Variants in UBE2O observed in about 807,000 individuals in gnomAD.
The protein encoded by UBE2O is ubiquitin conjugating enzyme E2 O.
Under a neutral mutation model 125.8 loss-of-function variants are expected in UBE2O, and 15 were observed. The ratio of observed to expected loss-of-function variants is 0.12; its 90% CI spans 0.08 to 0.18. UBE2O has a LOEUF of 0.18. Ranked by LOEUF, UBE2O falls within the 10% of genes least tolerant of loss-of-function variation. UBE2O has a pLI of 1.00. For missense variants in UBE2O, 1,280 were observed against 1,723.6 expected (o/e 0.74, Z 4.56); for synonymous variants, 708 against 703.2 (o/e 1.01, Z -0.11).
At chr17:76,425,337 T>A (rs1375902465) in intron 1 of UBE2O, among the ~76,000 whole-genome samples, 1 of 151,866 alleles carries the variant, frequency 6.6e-6, no homozygotes, top group African/African-American at 2.4e-5. Flanking sequence ...TTTAGCTTAA[T>A]TGTATCAAAA....
At position 76,402,841 on chromosome 17, in the gene UBE2O, A is replaced by T; in HGVS notation, c.589-142T>A. On this transcript the variant is annotated intron_variant, in intron 3 of 17. Coordinates refer to ENST00000319380, the MANE Select transcript of UBE2O (RefSeq NM_022066.4). This position sits in a 1 kb window ranked among gnomAD's most constrained non-coding sequence, Gnocchi z 5.4. ...ACTGGACCGGTTGGCTACTAGCCCT[A>T]AACAGCTGCTGCAGCAGGCCCTCCC... is the stretch of plus-strand genomic sequence containing the variant. The T allele has an allele frequency of 1.5e-6, 1 of 678,184 alleles. No individual in the cohort carries two copies. Among genetic ancestry groups the T allele is most frequent in the South Asian group, 1.7e-5 (1 of 59,028 alleles). 42.0% of individuals were successfully genotyped at this position (678,184 alleles called of 1,614,324 possible). A position where few individuals can be genotyped will look rare whatever the true frequency, so the allele number is the denominator to read the frequency against.
At position 76,391,446 on chromosome 17, in the gene UBE2O, C is replaced by G; in HGVS notation, c.3376G>C (p.Glu1126Gln). The stretch of plus-strand genomic sequence containing the variant: ...CCAGTGCTAAAGTGTTGCCTGATCT[C>G]CTGCTCAAAGACCTCGGGGGGCCGC... ...VRRPPEVFEQ[E>Q]IRQHFSTGGW... Residue 1126 changes from glutamate (E) to glutamine (Q), a missense_variant, in exon 18 of 18, where the codon GAG becomes CAG. Glu to Gln is a conservative substitution (Grantham distance 29, BLOSUM62 2). Around this residue, in one of 10 missense-constraint regions of UBE2O, gnomAD observed 233 missense variants for 279.0 expected, o/e 0.84. Transcript: ENST00000319380. The surrounding 1 kb of genome is among the most constrained non-coding windows in gnomAD (Gnocchi z 8.4). 1 of 1,613,790 alleles carries G rather than the reference C, an allele frequency of 6.2e-7. No homozygotes were observed. Among genetic ancestry groups the G allele is most frequent in the Non-Finnish European group, 8.5e-7 (1 of 1,180,028 alleles).
rs2072345153 is a variant in UBE2O at position 76,402,481 on chromosome 17, TC to T, written c.686+120del. On this transcript the variant is annotated intron_variant, in intron 4 of 17. Transcript: ENST00000319380. The surrounding 1 kb of genome is among the most constrained non-coding windows in gnomAD (Gnocchi z 5.4). ...GGTTAGGCCCTGGATGCCTGCAACATCTGTCACTGCCCTTGATCAAACCTGT... is the reference window on the plus strand; with the variant it reads ...GGTTAGGCCCTGGATGCCTGCAACATTGTCACTGCCCTTGATCAAACCTGT... 2 of 865,756 alleles carry T rather than the reference TC, an allele frequency of 2.3e-6. No homozygotes were observed. The highest frequency in any genetic ancestry group is 3.9e-6 in the Non-Finnish European group (2 of 518,164). 53.6% of individuals were successfully genotyped at this position (865,756 alleles called of 1,614,324 possible).
chr17:76,406,874 A>G (rs1416293870), intron 1 of UBE2O, among the ~76,000 whole-genome samples: 1 of 151,602 alleles, frequency 6.6e-6, no homozygotes, highest in Non-Finnish European at 1.5e-5. Flanking sequence ...TAATTTTTGT[A>G]TTTTTAGTAG....
chr17:76,412,779 G>A (rs1287209496), intron 1 of UBE2O, among the ~76,000 whole-genome samples: 6 of 152,224 alleles, frequency 3.9e-5, no homozygotes, highest in African/African-American at 1.4e-4. Flanking sequence ...GAAGGCTGAG[G>A]CAGACAGATC....
intron 1 of UBE2O, among the ~76,000 whole-genome samples, chr17:76,416,605 A>G (rs1334053213): frequency 1.3e-5 from 2 of 152,150 alleles, no homozygotes; most frequent in Non-Finnish European, 2.9e-5. Context: ...AGCCCACACC[A>G]ACCTCCCCGC....
At chr17:76,447,407 C>T (rs1414211168) in intron 1 of UBE2O, among the ~76,000 whole-genome samples, 2 of 152,198 alleles carry the variant, frequency 1.3e-5, no homozygotes, top group African/African-American at 4.8e-5. Context: ...ACATCTAAAG[C>T]ACTAAGAGTG....
chr17:76,394,664 A>T (rs1449325280), intron 15 of UBE2O, among the ~76,000 whole-genome samples: 1 of 151,454 alleles, frequency 6.6e-6, no homozygotes, highest in African/African-American at 2.4e-5. Context: ...GTAAAAGTAT[A>T]AAAAAAAGGT....
At position 76,452,657 on chromosome 17, in the gene UBE2O, C is replaced by T; in HGVS notation, c.417+68G>A. ...CTCCGGGCAGGGCCCTGCACGCCGTCCTTCCCTGGCCTCGGCCCGGCCGCC... is the reference window on the plus strand; with the variant it reads ...CTCCGGGCAGGGCCCTGCACGCCGTTCTTCCCTGGCCTCGGCCCGGCCGCC... On this transcript the variant is annotated intron_variant, in intron 1 of 17. Coordinates refer to ENST00000319380, the MANE Select transcript of UBE2O (RefSeq NM_022066.4). This position sits in a 1 kb window ranked among gnomAD's most constrained non-coding sequence, Gnocchi z 4.4. 1.5e-6 allele frequency: 2 copies of T among 1,319,000 alleles called. No homozygotes were observed. Among genetic ancestry groups the T allele is most frequent in the Non-Finnish European group, 1.9e-6 (2 of 1,039,278 alleles). The allele number at this position is 1,319,000 out of a possible 1,614,324, so 81.7% of individuals were successfully genotyped here. A position where few individuals can be genotyped will look rare whatever the true frequency, so the allele number is the denominator to read the frequency against.
At chr17:76,426,109 C>T (rs1330001070) in intron 1 of UBE2O, among the ~76,000 whole-genome samples, 1 of 152,156 alleles carries the variant, frequency 6.6e-6, no homozygotes, top group Admixed American at 6.6e-5. Flanking sequence ...CTCAAATGAT[C>T]CTCTTACTTC....
In UBE2O at chr17:76,396,067, G is replaced by A. The variant is rs1329645068; in HGVS notation, c.2809+61C>T. On this transcript the variant is annotated intron_variant, in intron 14 of 17. Coordinates refer to ENST00000319380, the MANE Select transcript of UBE2O (RefSeq NM_022066.4). This position sits in a 1 kb window ranked among gnomAD's most constrained non-coding sequence, Gnocchi z 6.7. ...TAACCACCCTGCACCCAGATCTGGT[G>A]ACACAAACAGGAGCCCCGAGAAGGC... The A allele has an allele frequency of 6.4e-7, 1 of 1,570,900 alleles. No individual in the cohort carries two copies. The highest frequency in any genetic ancestry group is 8.7e-7 in the Non-Finnish European group (1 of 1,152,110).
intron 1 of UBE2O, among the ~76,000 whole-genome samples, chr17:76,415,064 C>T (rs138786675): frequency 1.2e-3 from 190 of 152,288 alleles, no homozygotes; most frequent in African/African-American, 4.3e-3. Flanking sequence ...TAACCAGTGG[C>T]CCCGGACTGC....
Position 76,399,270 on chromosome 17 carries a change from G to T in UBE2O, c.1628+179C>A. 1 of 746,458 alleles carries T rather than the reference G, an allele frequency of 1.3e-6. No homozygotes were observed. Among genetic ancestry groups the T allele is most frequent in the Non-Finnish European group, 2.2e-6 (1 of 463,980 alleles). The allele number at this position is 746,458 out of a possible 1,614,324, so 46.2% of individuals were successfully genotyped here. On this transcript the variant is annotated intron_variant, in intron 9 of 17. Transcript: ENST00000319380. This position sits in a 1 kb window ranked among gnomAD's most constrained non-coding sequence, Gnocchi z 6.9. ...ATCCCACCCTCTGCACCACTCCTCA[G>T]TCTCTGCTTTCCACCAGGGCCTACC... is the stretch of plus-strand genomic sequence containing the variant.
At chr17:76,439,546 C>T (rs184302658) in intron 1 of UBE2O, among the ~76,000 whole-genome samples, 1 of 152,308 alleles carries the variant, frequency 6.6e-6, no homozygotes, top group Non-Finnish European at 1.5e-5. Flanking sequence ...AATGTATGCC[C>T]AGGCATTCTT....
intron 15 of UBE2O, among the ~76,000 whole-genome samples, chr17:76,392,782 G>A (rs1326238997): frequency 1.3e-5 from 2 of 151,700 alleles, no homozygotes; most frequent in East Asian, 2.0e-4. Flanking sequence ...GTGAAACCCC[G>A]TCTCTACTAA....
At chr17:76,393,094 A>T (rs2072143456) in intron 15 of UBE2O, among the ~76,000 whole-genome samples, 1 of 151,614 alleles carries the variant, frequency 6.6e-6, no homozygotes, top group Non-Finnish European at 1.5e-5. Flanking sequence ...CCCTATCTCT[A>T]CAAAAAATAA....
chr17:76,393,862 C>T (rs1030056305), intron 15 of UBE2O, among the ~76,000 whole-genome samples: 1 of 152,218 alleles, frequency 6.6e-6, no homozygotes, highest in Non-Finnish European at 1.5e-5. Context: ...GAAGGCAGAG[C>T]GCTAGCTGGG....
At chr17:76,433,820 G>A (rs560813438) in intron 1 of UBE2O, among the ~76,000 whole-genome samples, 5 of 152,188 alleles carry the variant, frequency 3.3e-5, no homozygotes, top group East Asian at 3.9e-4. Flanking sequence ...AAAGGAGTTT[G>A]AGACCAGCCT....
At position 76,389,857 on chromosome 17, in the gene UBE2O, C is replaced by T. The variant is rs563614953; in HGVS notation, c.*1086G>A. The T allele has an allele frequency of 1.4e-4, 21 of 152,382 alleles. No individual in the cohort carries two copies. Among genetic ancestry groups the T allele is most frequent in the African/African-American group, 5.1e-4 (21 of 41,502 alleles). 9.4% of individuals were successfully genotyped at this position (152,382 alleles called of 1,614,324 possible). A position where few individuals can be genotyped will look rare whatever the true frequency, so the allele number is the denominator to read the frequency against. On this transcript the variant is annotated 3_prime_UTR_variant, in exon 18 of 18. Transcript: ENST00000319380. ...CTTTGCTTTTGAGTTTTTTTTCCAA[C>T]CTTAAATATTACATACATACACCAA... is the stretch of plus-strand genomic sequence containing the variant.
Sources: gnomAD v4.1 joint callset for allele counts (sites outside exome capture counted in the v4.1 genomes callset) on GRCh38, gnomAD v4.1.1 for gene constraint, gnomAD v4.1.1 regional missense constraint, Gnocchi (gnomAD v3.1) non-coding constraint, MANE v1.5 for transcripts, NCBI Gene and HGNC (gene_info 2026-07-23, HGNC 2026-07-21) for gene names.